Variants in ERP44 observed in about 807,000 individuals in gnomAD.
ERP44 encodes the protein endoplasmic reticulum resident protein 44.
In ERP44, 25 loss-of-function variants were observed where a neutral mutation model predicts 53.4. That is an observed-to-expected ratio of 0.47 (90% CI 0.34 to 0.65). The LOEUF (loss-of-function observed/expected upper bound fraction) is 0.65. Among genes scored for constraint, ERP44 ranks in the 30% least tolerant of loss-of-function variants. The pLI, the probability that ERP44 is intolerant of heterozygous loss-of-function variation, is 0.01. For synonymous variants in ERP44, 145 were observed against 161.2 expected, an observed-to-expected ratio of 0.90 and a Z score of 0.76; for missense variants, 338 against 493.2, an observed-to-expected ratio of 0.69 and a Z score of 2.98.
intron 1 of ERP44, among the ~76,000 whole-genome samples, chr9:100,080,791 G>A (rs1826413632): frequency 6.6e-6 from 1 of 152,088 alleles, no homozygotes; most frequent in Admixed American, 6.6e-5. Context: ...AAAGAGCTAT[G>A]GAGTTGATCC....
intron 1 of ERP44, among the ~76,000 whole-genome samples, chr9:100,072,936 CAT>C (rs1012958777): frequency 1.2e-4 from 19 of 152,196 alleles, no homozygotes; most frequent in Admixed American, 1.2e-3. Flanking sequence ...ATTTTTATAA[CAT>C]GTATTAATTA....
rs1000277823 is a variant in ERP44, at chr9:100,059,178, T to C, written c.130+922A>G. Among the ~76,000 whole-genome samples, 11 of 152,236 alleles carry C rather than the reference T, an allele frequency of 7.2e-5. 1 individual carries two copies. Among genetic ancestry groups the C allele is most frequent in the Admixed American group, 5.9e-4 (9 of 15,290 alleles). ...CATAATATATTACACTCAATGAATG[T>C]TGTAACTCCTTTTGCCTCTATTATA... is the stretch of plus-strand genomic sequence containing the variant. On this transcript the variant is annotated intron_variant, in intron 2 of 11. Transcript: ENST00000262455.
At position 100,098,947 on chromosome 9, in the gene ERP44, A is replaced by T. The variant is rs562581238; in HGVS notation, c.-107T>A. The T allele has an allele frequency of 2.3e-6, 2 of 862,164 alleles. No homozygotes were observed. Among genetic ancestry groups the T allele is most frequent in the East Asian group, 5.2e-5 (2 of 38,600 alleles). The allele number at this position is 862,164 out of a possible 1,614,324, so 53.4% of individuals were successfully genotyped here. A position where few individuals can be genotyped will look rare whatever the true frequency, so the allele number is the denominator to read the frequency against. The stretch of plus-strand genomic sequence containing the variant: ...CTCCGGGAGCCGACGGCAGCGGAGG[A>T]TTCTCCAGGCAGCGGCACCTCGTCC... On this transcript the variant is annotated 5_prime_UTR_variant, in exon 1 of 12. Transcript: ENST00000262455.
intron 6 of ERP44, 124 bp from the exon 7 acceptor site, chr9:100,018,437 A>T (rs562294107): frequency 1.0e-4 from 67 of 652,744 alleles, no homozygotes; most frequent in African/African-American, 1.0e-3. Context: ...TACCAAGAAA[A>T]GTATACATTT....
chr9:100,069,578 A>G (rs1302947588), intron 1 of ERP44, among the ~76,000 whole-genome samples: 1 of 152,160 alleles, frequency 6.6e-6, no homozygotes, highest in East Asian at 1.9e-4. Context: ...CCTGGGTGAC[A>G]GAGTGAGACT....
At chr9:100,017,533 CA>C (rs1417683503) in intron 7 of ERP44, among the ~76,000 whole-genome samples, 1 of 152,100 alleles carries the variant, frequency 6.6e-6, no homozygotes, top group African/African-American at 2.4e-5. Context: ...TATGTGAATT[CA>C]AAATAGAATA....
chr9:100,090,134 G>A, intron 1 of ERP44, among the ~76,000 whole-genome samples: 1 of 152,108 alleles, frequency 6.6e-6, no homozygotes, highest in East Asian at 1.9e-4. Flanking sequence ...TTGAGTAGCT[G>A]TTTTCTAAGA....
intron 1 of ERP44, among the ~76,000 whole-genome samples, chr9:100,074,890 C>T (rs1363403607): frequency 6.6e-6 from 1 of 152,140 alleles, no homozygotes; most frequent in Non-Finnish European, 1.5e-5. Context: ...CCGGACTCAT[C>T]CTGTGGTCAT....
intron 1 of ERP44, among the ~76,000 whole-genome samples, chr9:100,078,513 G>C (rs937897323): frequency 2.0e-5 from 3 of 147,922 alleles, no homozygotes; most frequent in African/African-American, 7.6e-5. Flanking sequence ...CCAGCACTTT[G>C]GGAGGCAGTG....
intron 10 of ERP44, among the ~76,000 whole-genome samples, chr9:99,991,373 C>T (rs1238512849): frequency 2.6e-5 from 4 of 151,948 alleles, no homozygotes; most frequent in African/African-American, 9.7e-5. Context: ...CACTCAAAAC[C>T]ACACAACTAA....
intron 1 of ERP44, among the ~76,000 whole-genome samples, chr9:100,075,377 C>A (rs1163540061): frequency 6.6e-6 from 1 of 152,230 alleles, no homozygotes; most frequent in Non-Finnish European, 1.5e-5. Flanking sequence ...AAGCTATTTG[C>A]CTTCAGCTGG....
intron 4 of ERP44, among the ~76,000 whole-genome samples, chr9:100,030,428 A>G (rs1825768582): frequency 6.6e-6 from 1 of 152,246 alleles, no homozygotes; most frequent in East Asian, 1.9e-4. Context: ...TAGAGGCCCA[A>G]CTGAGGGGAG....
At chr9:100,044,912 A>G (rs1335300070) in intron 4 of ERP44, among the ~76,000 whole-genome samples, 15 of 152,194 alleles carry the variant, frequency 9.9e-5, no homozygotes, top group Admixed American at 9.8e-4. Context: ...GTAATAGGAC[A>G]TTTTAAGTTG....
intron 10 of ERP44, chr9:99,998,380 A>G (rs1830337768): frequency 3.3e-6 from 2 of 612,504 alleles, no homozygotes; most frequent in Admixed American, 2.8e-5. Flanking sequence ...GCCACACGCG[A>G]GCTCCCGGAT....
chr9:100,033,291 C>G lies in ERP44; in HGVS notation c.287-11065G>C, dbSNP rs11555507. Among the ~76,000 whole-genome samples, 97 of 150,890 alleles carry G rather than the reference C, an allele frequency of 6.4e-4. 2 individuals are homozygous for G. In the East Asian group the frequency reaches 0.018, roughly 28 times the overall value. Reference sequence around the variant, plus strand: ...TTGACTTGTAGAGCCAATAAAAGCCCCTTGAGAAAACTGGCCTTACACCTT... The same window carrying G: ...TTGACTTGTAGAGCCAATAAAAGCCGCTTGAGAAAACTGGCCTTACACCTT... On this transcript the variant is annotated intron_variant, in intron 4 of 11. Coordinates refer to ENST00000262455, the MANE Select transcript of ERP44 (RefSeq NM_015051.3).
At chr9:100,028,508 C>T (rs1390645374) in intron 4 of ERP44, among the ~76,000 whole-genome samples, 2 of 152,154 alleles carry the variant, frequency 1.3e-5, no homozygotes, top group Admixed American at 1.3e-4. Flanking sequence ...ACATGTGTGT[C>T]TATGTGTGTT....
intron 10 of ERP44, among the ~76,000 whole-genome samples, chr9:99,989,799 C>A (rs1587954337): frequency 6.6e-6 from 1 of 152,098 alleles, no homozygotes; most frequent in African/African-American, 2.4e-5. Flanking sequence ...GAAAGGCTAA[C>A]TAGAATAAAC....
At chr9:100,019,307 G>T (rs770373856) in intron 6 of ERP44, among the ~76,000 whole-genome samples, 3 of 152,122 alleles carry the variant, frequency 2.0e-5, no homozygotes, top group Non-Finnish European at 4.4e-5. Flanking sequence ...ACTTTTGGAG[G>T]CAGACGTGGG....
At chr9:100,011,001 C>T (rs1830470934) in intron 8 of ERP44, among the ~76,000 whole-genome samples, 1 of 151,150 alleles carries the variant, frequency 6.6e-6, no homozygotes, top group East Asian at 1.9e-4. Context: ...TCTTTCAAAA[C>T]CAAGTTTAAG....
Sources: gnomAD v4.1 joint callset for allele counts (sites outside exome capture counted in the v4.1 genomes callset) on GRCh38, gnomAD v4.1.1 for gene constraint, MANE v1.5 for transcripts, NCBI Gene and HGNC (gene_info 2026-07-23, HGNC 2026-07-21) for gene names.